GNB1L: variants seen among roughly 807,000 people sequenced by gnomAD.
The protein encoded by GNB1L is G protein subunit beta 1 like, also known as guanine nucleotide-binding protein subunit beta-like protein 1.
A neutral mutation model predicts 29.1 loss-of-function variants in GNB1L; 20 were observed. The ratio of observed to expected loss-of-function variants is 0.69; its 90% CI spans 0.48 to 1.00. GNB1L has a LOEUF of 1.00. Among genes scored for constraint, GNB1L ranks in the 50% least tolerant of loss-of-function variants. The pLI is 0.00. For synonymous variants in GNB1L, 193 were observed against 206.5 expected (o/e 0.93, Z 0.56); for missense variants, 421 against 464.9 (o/e 0.91, Z 0.87).
intron 2 of GNB1L, chr22:19,848,608 C>A (rs918518502): frequency 2.4e-4 from 236 of 985,368 alleles, no homozygotes; most frequent in Non-Finnish European, 2.7e-4. Flanking sequence ...CAGAGCCCAA[C>A]CACAATAAAC....
At chr22:19,833,555 A>G (rs959611636) in intron 2 of GNB1L, among the ~76,000 whole-genome samples, 6 of 152,054 alleles carry the variant, frequency 3.9e-5, no homozygotes, top group African/African-American at 1.5e-4. Flanking sequence ...ACAGAGCAAG[A>G]CCCTGTCTCT....
rs537842362 is a variant in GNB1L, at chr22:19,854,816, T to G, written c.-118+4A>C. 1 of 152,442 alleles carries G rather than the reference T, an allele frequency of 6.6e-6. No individual in the cohort carries two copies. The highest frequency in any genetic ancestry group is 1.9e-4 in the East Asian group (1 of 5,172). The allele number at this position is 152,442 out of a possible 1,614,324, so 9.4% of individuals were successfully genotyped here. A position where few individuals can be genotyped will look rare whatever the true frequency, so the allele number is the denominator to read the frequency against. Reference sequence around the variant, plus strand: ...GCCGCCCGGGCTCCCGCCTCCACACTGACCCTCTTGCCGGAGTCGGGAACG... The same window carrying G: ...GCCGCCCGGGCTCCCGCCTCCACACGGACCCTCTTGCCGGAGTCGGGAACG... On this transcript the variant is annotated splice_donor_region_variant and intron_variant, in intron 1 of 7. Transcript: ENST00000329517.
At chr22:19,795,016 A>G (rs1404256894) in intron 7 of GNB1L, among the ~76,000 whole-genome samples, 1 of 152,178 alleles carries the variant, frequency 6.6e-6, no homozygotes, top group Non-Finnish European at 1.5e-5. Flanking sequence ...AAAATAAAAT[A>G]AAAGATGCTT....
intron 4 of GNB1L, among the ~76,000 whole-genome samples, chr22:19,814,425 T>C (rs1250574130): frequency 6.6e-6 from 1 of 152,172 alleles, no homozygotes; most frequent in Non-Finnish European, 1.5e-5. Context: ...CTGCAGTGGT[T>C]TTAACACAGG....
chr22:19,848,433 T>A, intron 2 of GNB1L: 2 of 985,466 alleles, frequency 2.0e-6, no homozygotes, highest in Non-Finnish European at 2.4e-6. Context: ...TTGGTCATCA[T>A]CTGTCTGAAA....
intron 2 of GNB1L, among the ~76,000 whole-genome samples, chr22:19,835,156 T>C (rs181582627): frequency 2.0e-5 from 3 of 152,106 alleles, no homozygotes; most frequent in African/African-American, 7.2e-5. Flanking sequence ...GATAACTACA[T>C]AATTATAGGT....
chr22:19,797,341 G>T lies in GNB1L; in HGVS notation c.732+4660C>A, dbSNP rs146858863. On this transcript the variant is annotated intron_variant, in intron 7 of 7. Coordinates refer to ENST00000329517, the MANE Select transcript of GNB1L (RefSeq NM_053004.3). ...AGTGGGCGGAGCACATGTCACACACGGGAGGGGGGGTGGGGGTGCAGGCGG... is the reference window on the plus strand; with the variant it reads ...AGTGGGCGGAGCACATGTCACACACTGGAGGGGGGGTGGGGGTGCAGGCGG... Among the ~76,000 whole-genome samples the T allele has an allele frequency of 1.9e-3, 282 of 151,992 alleles. 2 individuals are homozygous for T. Among genetic ancestry groups the T allele is most frequent in the African/African-American group, 6.5e-3 (271 of 41,460 alleles).
chr22:19,833,330 T>C (rs1396645221), intron 2 of GNB1L, among the ~76,000 whole-genome samples: 1 of 152,202 alleles, frequency 6.6e-6, no homozygotes, highest in Non-Finnish European at 1.5e-5. Context: ...TAGAAATTAT[T>C]TTTTAAAAAA....
At chr22:19,792,825 G>A (rs1165101905) in intron 7 of GNB1L, 2 of 1,270,078 alleles carry the variant, frequency 1.6e-6, no homozygotes, top group South Asian at 2.4e-5. Context: ...TCGTAAAATG[G>A]GGGTCCCTTA....
intron 2 of GNB1L, chr22:19,848,357 T>C (rs1938015207): frequency 5.1e-6 from 5 of 985,252 alleles, no homozygotes; most frequent in Non-Finnish European, 4.8e-6. Context: ...GGTCTGCCAG[T>C]GTGTGGGGGC....
At chr22:19,849,402 CTTG>C (rs1938042887) in intron 2 of GNB1L, 1 of 669,002 alleles carries the variant, frequency 1.5e-6, no homozygotes, top group South Asian at 6.7e-5. Context: ...GAGTTTCACT[CTTG>C]TTGTCCAGGC....
intron 2 of GNB1L, among the ~76,000 whole-genome samples, chr22:19,825,203 G>C (rs12170942): frequency 0.25 from 38,321 of 152,212 alleles, 4,964 homozygotes; most frequent in East Asian, 0.33. Flanking sequence ...ACTAGCTCCA[G>C]CATCCCCCGA....
In GNB1L at chr22:19,852,379, C is replaced by T. The variant is rs1413936736; in HGVS notation, c.-21+2064G>A. On this transcript the variant is annotated intron_variant, in intron 2 of 7. Transcript: ENST00000329517. ...ATGGCTGAACAGGGCGTGGCAGACC[C>T]GCACTGGTCCAGGCAAGTGCTGAGG... 9.0e-6 allele frequency: 10 copies of T among 1,113,404 alleles called. No individual in the cohort carries two copies. In the East Asian group the frequency reaches 9.6e-5, roughly 11 times the overall value. 69.0% of individuals were successfully genotyped at this position (1,113,404 alleles called of 1,614,324 possible). A position where few individuals can be genotyped will look rare whatever the true frequency, so the allele number is the denominator to read the frequency against.
At chr22:19,799,391 A>G (rs1018800013) in intron 7 of GNB1L, among the ~76,000 whole-genome samples, 1 of 152,232 alleles carries the variant, frequency 6.6e-6, no homozygotes, top group African/African-American at 2.4e-5. Context: ...AGGCACCCTC[A>G]GGTGGTATCC....
chr22:19,851,715 TC>T (rs1938105011), intron 2 of GNB1L: 1 of 1,603,378 alleles, frequency 6.2e-7, no homozygotes, highest in Non-Finnish European at 8.5e-7. Flanking sequence ...GCAAAACTGT[TC>T]GGGTCTTGAA....
At chr22:19,796,261 A>G (rs1014011288) in intron 7 of GNB1L, among the ~76,000 whole-genome samples, 7 of 152,312 alleles carry the variant, frequency 4.6e-5, no homozygotes, top group African/African-American at 1.7e-4. Flanking sequence ...CATAAAGCAA[A>G]TACAGACAGG....
At chr22:19,838,481 T>TA (rs1937803688) in intron 2 of GNB1L, among the ~76,000 whole-genome samples, 2 of 151,136 alleles carry the variant, frequency 1.3e-5, no homozygotes, top group Admixed American at 6.6e-5. Context: ...TTATTTTTAT[T>TA]TTTTTTTTGA....
intron 5 of GNB1L, 111 bp from the exon 6 acceptor site, chr22:19,806,868 T>C: frequency 1.2e-6 from 1 of 821,332 alleles, no homozygotes; most frequent in Non-Finnish European, 2.0e-6. Flanking sequence ...TTCTGTCTGC[T>C]CCCCTCCCCG....
At chr22:19,851,318 T>C in intron 2 of GNB1L, 1 of 1,614,132 alleles carries the variant, frequency 6.2e-7, no homozygotes. Context: ...ATGAGCTGGG[T>C]CTGGTCTCTG....
Sources: allele counts gnomAD v4.1 joint callset (sites outside exome capture counted in the v4.1 genomes callset), GRCh38; gene constraint gnomAD v4.1.1; transcripts MANE v1.5; gene names NCBI Gene and HGNC (gene_info 2026-07-23, HGNC 2026-07-21).